The following RYR1 variants were observed in gnomAD, a reference collection of about 807,000 sequenced individuals.
RYR1 encodes ryanodine receptor 1, also known as central core disease of muscle.
In RYR1, 342 loss-of-function variants were observed where a neutral mutation model predicts 583.5. The observed-to-expected ratio is 0.59, with a 90% CI of 0.54 to 0.64. RYR1 has a LOEUF of 0.64. RYR1 is among the 30% of genes least tolerant of loss of function. The pLI is 0.00. For synonymous variants in RYR1, 2,791 were observed against 2,822.5 expected (o/e 0.99, Z 0.35); for missense variants, 6,032 against 6,917.2 (o/e 0.87, Z 4.54).
chr19:38,463,966 G>A, intron 22 of RYR1, 116 bp downstream of exon 22: 2 of 823,992 alleles, frequency 2.4e-6, no homozygotes, highest in South Asian at 2.8e-5. Context: ...GAGGGGACAG[G>A]GATTGTGAGA....
At chr19:38,533,888 T>C (rs965341317) in intron 78 of RYR1, among the ~76,000 whole-genome samples, 4 of 151,942 alleles carry the variant, frequency 2.6e-5, no homozygotes, top group Admixed American at 2.6e-4. Context: ...CCATTGTGAG[T>C]GAGTCTCTCT....
At chr19:38,447,134 AGGATCACTCGAGCCCAGC>A (rs1055864479) in intron 9 of RYR1, among the ~76,000 whole-genome samples, 1 of 151,928 alleles carries the variant, frequency 6.6e-6, no homozygotes, top group Non-Finnish European at 1.5e-5. Flanking sequence ...CTGAGGTGGG[AGGATCACTCGAGCCCAGC>A]GGGTCAAGGC....
chr19:38,521,690 C>A (rs1012460199), intron 67 of RYR1, among the ~76,000 whole-genome samples: 3 of 150,902 alleles, frequency 2.0e-5, no homozygotes, highest in African/African-American at 7.3e-5. Flanking sequence ...GAGCGAGACC[C>A]TGTCTCAAAA....
chr19:38,488,421 T>A (rs1969395502), intron 34 of RYR1, among the ~76,000 whole-genome samples: 1 of 152,150 alleles, frequency 6.6e-6, no homozygotes, highest in Non-Finnish European at 1.5e-5. Context: ...CCTCCATTCA[T>A]CCATCTCTCT....
chr19:38,467,865 C>T, intron 25 of RYR1, 53 bp downstream of exon 25: 1 of 1,557,896 alleles, frequency 6.4e-7, no homozygotes, highest in Middle Eastern at 2.0e-4. Flanking sequence ...TCTCCCACAG[C>T]TTGTCTACTC....
At chr19:38,569,148 C>T (rs968841699) in intron 93 of RYR1, among the ~76,000 whole-genome samples, 1 of 152,036 alleles carries the variant, frequency 6.6e-6, no homozygotes, top group African/African-American at 2.4e-5. Context: ...GTAGCTAGGA[C>T]TACAGGCGCC....
At position 38,534,775 on chromosome 19, in the gene RYR1, G is replaced by C. The variant is rs193922839; in HGVS notation, c.11315G>C (p.Arg3772Pro). ...TACCAGCAAGCACGGCTGCACACCC[G>C]GGGGGCGGCCGAGATGGTGCTGCAG... ...LLYQQARLHT[R>P]GAAEMVLQMI... Residue 3772 changes from arginine (R) to proline (P), a missense_variant, in exon 79 of 106, where the codon CGG becomes CCG. This residue lies in a region of RYR1 where 1,493 missense variants were observed against 1,715.5 expected (regional missense o/e 0.87). Coordinates refer to ENST00000359596, the MANE Select transcript of RYR1 (RefSeq NM_000540.3). The C allele has an allele frequency of 1.9e-6, 3 of 1,613,648 alleles. No individual in the cohort carries two copies. The South Asian group carries it at 3.3e-5, about 18-fold the overall frequency.
intron 94 of RYR1, among the ~76,000 whole-genome samples, chr19:38,571,671 G>A (rs918419389): frequency 2.6e-5 from 4 of 152,136 alleles, no homozygotes; most frequent in Non-Finnish European, 1.5e-5. Context: ...GTGTGTGTAA[G>A]GCAGTTAGAG....
At position 38,504,871 on chromosome 19, in the gene RYR1, G is replaced by A. The variant is rs761563728; in HGVS notation, c.8191G>A (p.Ala2731Thr). 13 of 1,614,004 alleles carry A rather than the reference G, an allele frequency of 8.1e-6. No individual in the cohort carries two copies. In the East Asian group the frequency reaches 1.1e-4, roughly 14 times the overall value. The change falls in exon 51 of 106, where the codon GCT (alanine) becomes ACT (threonine). Residue 2731 changes from alanine (A) to threonine (T), a missense_variant. Physicochemically the swap from Ala to Thr is moderately conservative, Grantham distance 58 (BLOSUM62 0). This residue lies in a region of RYR1 where 1,493 missense variants were observed against 1,715.5 expected (regional missense o/e 0.87). Coordinates refer to ENST00000359596, the MANE Select transcript of RYR1 (RefSeq NM_000540.3). The stretch of plus-strand genomic sequence containing the variant: ...GGCAGAGAAAAAGGCCACAGTGGAT[G>A]CTGAAGGCAACTTTGATCCCCGGCC... ...SKAEKKATVDAEGNFDPRPVE... is the reference protein window; with the variant it reads ...SKAEKKATVDTEGNFDPRPVE...
chr19:38,475,147 G>A (rs1232094899), intron 28 of RYR1, among the ~76,000 whole-genome samples, 171 bp from the exon 29 acceptor site: 1 of 152,184 alleles, frequency 6.6e-6, no homozygotes, highest in Non-Finnish European at 1.5e-5. Flanking sequence ...GCAGAGCATA[G>A]CACTTCTAGA....
chr19:38,530,339 C>T (rs899019857), intron 76 of RYR1, among the ~76,000 whole-genome samples: 4 of 151,940 alleles, frequency 2.6e-5, no homozygotes, highest in African/African-American at 9.7e-5. Flanking sequence ...AGCTCAGACC[C>T]CCCACTCCAC....
chr19:38,546,043 A>G (rs1222665252), intron 87 of RYR1, among the ~76,000 whole-genome samples: 1 of 152,076 alleles, frequency 6.6e-6, no homozygotes, highest in Non-Finnish European at 1.5e-5. Context: ...CACACATTAT[A>G]TTCAACATAC....
At chr19:38,537,001 T>G in intron 83 of RYR1, 1 of 597,964 alleles carries the variant, frequency 1.7e-6, no homozygotes, top group Non-Finnish European at 3.0e-6. Context: ...TTACCTTCCC[T>G]AAGCTTCACT....
Position 38,565,529 on chromosome 19 carries a change from C to A in RYR1, c.13195C>A (p.Pro4399Thr), listed in dbSNP as rs1316484641. Residue 4399 changes from proline (P) to threonine (T), a missense_variant, in exon 91 of 106, where the codon CCG becomes ACG. Physicochemically the swap from Pro to Thr is conservative, Grantham distance 38. Coordinates refer to ENST00000359596, the MANE Select transcript of RYR1 (RefSeq NM_000540.3). This position sits in a 1 kb window ranked among gnomAD's most constrained non-coding sequence, Gnocchi z 4.7. ...GGTGCACGGCGAGCAGCCGGCCGGG[C>A]CGGGCGGAGACGCAGACGGCGAGGG... is the stretch of plus-strand genomic sequence containing the variant. ...DEVHGEQPAGPGGDADGEGAS... is the reference protein window; with the variant it reads ...DEVHGEQPAGTGGDADGEGAS... 6.7e-7 allele frequency: 1 copy of A among 1,502,914 alleles called. No homozygotes were observed. The highest frequency in any genetic ancestry group is 8.8e-7 in the Non-Finnish European group (1 of 1,133,396). The allele number at this position is 1,502,914 out of a possible 1,614,324, so 93.1% of individuals were successfully genotyped here. A position where few individuals can be genotyped will look rare whatever the true frequency, so the allele number is the denominator to read the frequency against.
In RYR1 at chr19:38,535,241, T is replaced by G. The variant is rs138842694; in HGVS notation, c.11439+21T>G. On this transcript the variant is annotated intron_variant, in intron 80 of 105. Transcript: ENST00000359596. ...AGCAGGTAACAGAGGCAAAGGGACT[T>G]CAGAAGAAGGCAAGGAGGGATGAGA... 246 of 1,614,034 alleles carry G rather than the reference T, an allele frequency of 1.5e-4. 2 individuals carry two copies. The African/African-American group carries it at 3.0e-3, about 20-fold the overall frequency.
chr19:38,502,800 G>A, intron 48 of RYR1, 73 bp downstream of exon 48: 1 of 1,075,498 alleles, frequency 9.3e-7, no homozygotes, highest in Non-Finnish European at 1.2e-6. Flanking sequence ...GGCAGGGGCA[G>A]GGGCAGGGGG....
In RYR1 at chr19:38,502,729, T is replaced by TGGGGC. The variant is rs768070268; in HGVS notation, c.7835+4_7835+5insGGCGG. The TGGGGC allele has an allele frequency of 1.8e-5, 23 of 1,307,080 alleles. No homozygotes were observed. Among genetic ancestry groups the TGGGGC allele is most frequent in the Middle Eastern group, 2.1e-4 (1 of 4,792 alleles). The allele number at this position is 1,307,080 out of a possible 1,614,324, so 81.0% of individuals were successfully genotyped here. A position where few individuals can be genotyped will look rare whatever the true frequency, so the allele number is the denominator to read the frequency against. On this transcript the variant is annotated splice_region_variant and intron_variant, in intron 48 of 105. Coordinates refer to ENST00000359596, the MANE Select transcript of RYR1 (RefSeq NM_000540.3). ...GGACTGCCTCATGTCGCTCTGCAGG[T>TGGGGC]GGAGCGGGGCAGGCTTCAGGGTGGG... is the stretch of plus-strand genomic sequence containing the variant.
At chr19:38,522,304 A>C (rs1219393756) in intron 67 of RYR1, among the ~76,000 whole-genome samples, 4 of 152,152 alleles carry the variant, frequency 2.6e-5, no homozygotes, top group African/African-American at 9.7e-5. Flanking sequence ...AAAGTTTTTT[A>C]AAAAAGGAAT....
intron 89 of RYR1, among the ~76,000 whole-genome samples, chr19:38,554,301 A>G (rs1375144455): frequency 2.7e-5 from 4 of 150,280 alleles, no homozygotes; most frequent in Non-Finnish European, 4.4e-5. Context: ...AAAATACGAA[A>G]AAATAGCGGG....
Sources: gnomAD v4.1 joint callset for allele counts (sites outside exome capture counted in the v4.1 genomes callset) on GRCh38, gnomAD v4.1.1 for gene constraint, gnomAD v4.1.1 regional missense constraint, Gnocchi (gnomAD v3.1) non-coding constraint, MANE v1.5 for transcripts, NCBI Gene and HGNC (gene_info 2026-07-23, HGNC 2026-07-21) for gene names.